TMED3: variants seen among roughly 807,000 people sequenced by gnomAD.
TMED3 encodes transmembrane p24 trafficking protein 3.
A neutral mutation model predicts 15.0 loss-of-function variants in TMED3; 9 were observed. The ratio of observed to expected loss-of-function variants is 0.60; its 90% confidence interval spans 0.36 to 1.04. TMED3 has a LOEUF of 1.04. Ranked by LOEUF, TMED3 falls within the 50% of genes least tolerant of loss-of-function variation. TMED3 has a pLI of 0.01. For synonymous variants in TMED3, 117 were observed against 121.4 expected, an observed-to-expected ratio of 0.96 and a Z score of 0.24; for missense variants, 267 against 278.9, an observed-to-expected ratio of 0.96 and a Z score of 0.30.
intron 2 of TMED3, among the ~76,000 whole-genome samples, chr15:79,410,051 A>G (rs1419942049): frequency 6.6e-6 from 1 of 152,154 alleles, no homozygotes. Flanking sequence ...TGCTCCTTTC[A>G]TACCCGATGA....
chr15:79,403,419 C>A (rs970826571), intron 2 of TMED3, among the ~76,000 whole-genome samples: 1 of 151,866 alleles, frequency 6.6e-6, no homozygotes, highest in Non-Finnish European at 1.5e-5. Context: ...ACCTTAGGGA[C>A]CCCTCCTTCC....
chr15:79,327,569 T>C (rs2058791915), downstream of TMED3, among the ~76,000 whole-genome samples: 1 of 152,244 alleles, frequency 6.6e-6, no homozygotes, highest in Non-Finnish European at 1.5e-5. Flanking sequence ...CTTCCAGCCC[T>C]GCTGTTTGAT....
intron 2 of TMED3, among the ~76,000 whole-genome samples, chr15:79,341,093 G>A (rs1251816441): frequency 6.7e-6 from 1 of 150,192 alleles, no homozygotes; most frequent in African/African-American, 2.4e-5. Flanking sequence ...ACTTGGGAGG[G>A]TGAGGTGGGA....
At chr15:79,384,449 A>T (rs1400952670) in intron 2 of TMED3, 1 of 152,260 alleles carries the variant, frequency 6.6e-6, no homozygotes, top group African/African-American at 2.4e-5. Flanking sequence ...CAGCTGGGGG[A>T]GTCTATTGGT....
At chr15:79,337,901 A>C (rs1399543764) in intron 2 of TMED3, among the ~76,000 whole-genome samples, 1 of 152,254 alleles carries the variant, frequency 6.6e-6, no homozygotes, top group Non-Finnish European at 1.5e-5. Flanking sequence ...TCAAATGCAC[A>C]TGGATGGGAA....
chr15:79,348,414 A>T (rs1016757885), intron 2 of TMED3, among the ~76,000 whole-genome samples: 2 of 152,234 alleles, frequency 1.3e-5, no homozygotes, highest in Admixed American at 1.3e-4. Context: ...TTGCAATAGT[A>T]AAAAACCGAA....
At chr15:79,353,473 A>G (rs1183809929) in intron 2 of TMED3, among the ~76,000 whole-genome samples, 1 of 145,462 alleles carries the variant, frequency 6.9e-6, no homozygotes, top group African/African-American at 2.5e-5. Context: ...TAATGGGGGA[A>G]AAAAGGTCCC....
At chr15:79,347,825 G>T (rs1343035750) in intron 2 of TMED3, among the ~76,000 whole-genome samples, 1 of 152,108 alleles carries the variant, frequency 6.6e-6, no homozygotes, top group Non-Finnish European at 1.5e-5. Context: ...CAGCTAGCCA[G>T]GGAGGTAAAA....
intron 2 of TMED3, among the ~76,000 whole-genome samples, chr15:79,342,562 A>G (rs2058855354): frequency 6.6e-6 from 1 of 152,246 alleles, no homozygotes; most frequent in African/African-American, 2.4e-5. Context: ...GTACAATATC[A>G]TAAAAGAAGT....
At chr15:79,360,814 A>T (rs1289678268) in intron 2 of TMED3, among the ~76,000 whole-genome samples, 1 of 152,220 alleles carries the variant, frequency 6.6e-6, no homozygotes, top group African/African-American at 2.4e-5. Context: ...AGAATCACTT[A>T]AAACGAATAC....
chr15:79,401,128 A>G (rs910295283), intron 2 of TMED3, among the ~76,000 whole-genome samples: 5 of 152,206 alleles, frequency 3.3e-5, no homozygotes, highest in African/African-American at 9.7e-5. Context: ...CCTTTCTTCA[A>G]TAATAGATTT....
chr15:79,324,775 A>T (rs1203209214), downstream of TMED3, among the ~76,000 whole-genome samples: 1 of 152,200 alleles, frequency 6.6e-6, no homozygotes, highest in Non-Finnish European at 1.5e-5. Context: ...TCTGGGCAGC[A>T]TGGTGGAAAA....
intron 2 of TMED3, among the ~76,000 whole-genome samples, chr15:79,340,645 G>T (rs1056986318): frequency 5.3e-5 from 8 of 152,198 alleles, no homozygotes; most frequent in African/African-American, 1.9e-4. Flanking sequence ...ACTATTAAAT[G>T]CAAGGAGGTT....
intron 2 of TMED3, among the ~76,000 whole-genome samples, chr15:79,374,891 C>G (rs1893399390): frequency 6.6e-6 from 1 of 152,208 alleles, no homozygotes; most frequent in African/African-American, 2.4e-5. Flanking sequence ...TTCAAATAGA[C>G]TAGTGTACTT....
At chr15:79,365,944 A>C (rs992474696) in intron 2 of TMED3, among the ~76,000 whole-genome samples, 1 of 152,140 alleles carries the variant, frequency 6.6e-6, no homozygotes, top group Non-Finnish European at 1.5e-5. Context: ...ATATGTTAAG[A>C]TGTTATCTTG....
chr15:79,399,001 C>T (rs957903577), intron 2 of TMED3, among the ~76,000 whole-genome samples: 4 of 152,330 alleles, frequency 2.6e-5, no homozygotes, highest in Admixed American at 6.5e-5. Context: ...ACCTCCGCCT[C>T]CAGGGTTCAA....
chr15:79,384,974 A>G (rs574381463), intron 2 of TMED3, among the ~76,000 whole-genome samples: 1 of 152,362 alleles, frequency 6.6e-6, no homozygotes, highest in African/African-American at 2.4e-5. Context: ...TGAAATATCC[A>G]GGTTCTCACA....
chr15:79,397,580 G>A (rs1035741527), intron 2 of TMED3, among the ~76,000 whole-genome samples: 3 of 152,162 alleles, frequency 2.0e-5, no homozygotes, highest in African/African-American at 7.2e-5. Flanking sequence ...ATGAAGGGTA[G>A]GTAAACAAGG....
intron 2 of TMED3, among the ~76,000 whole-genome samples, chr15:79,401,058 A>G (rs1893827085): frequency 6.6e-6 from 1 of 152,030 alleles, no homozygotes; most frequent in Non-Finnish European, 1.5e-5. Flanking sequence ...CTATTCCCAG[A>G]CCCCATATAT....
Sources: allele counts gnomAD v4.1 joint callset (sites outside exome capture counted in the v4.1 genomes callset), GRCh38; gene constraint gnomAD v4.1.1; transcripts MANE v1.5; gene names NCBI Gene and HGNC (gene_info 2026-07-23, HGNC 2026-07-21).